Variants in PPP2R2B observed in about 807,000 individuals in gnomAD.
The protein encoded by PPP2R2B is protein phosphatase 2 regulatory subunit Bbeta.
PPP2R2B carries 5 observed loss-of-function variants against 46.0 expected under a neutral mutation model. That is an observed-to-expected ratio of 0.11 (90% CI 0.06 to 0.23). The LOEUF (loss-of-function observed/expected upper bound fraction) is 0.23. PPP2R2B is among the 10% of genes least tolerant of loss of function. The probability of loss-of-function intolerance (pLI) is 1.00; values close to 1 mark genes in which losing one functional copy is unlikely to be tolerated. For missense variants in PPP2R2B, 367 were observed against 575.0 expected (o/e 0.64, Z 3.70); for synonymous variants, 215 against 206.7 (o/e 1.04, Z -0.34).
intron 5 of PPP2R2B, among the ~76,000 whole-genome samples, chr5:146,682,293 C>G (rs1379755895): frequency 6.6e-6 from 1 of 152,154 alleles, no homozygotes; most frequent in Non-Finnish European, 1.5e-5. Flanking sequence ...CTACTTCGAA[C>G]TTTTCAATAT....
upstream of PPP2R2B, among the ~76,000 whole-genome samples, chr5:147,057,523 C>G (rs1411896787): frequency 6.6e-6 from 1 of 152,140 alleles, no homozygotes; most frequent in Non-Finnish European, 1.5e-5. Flanking sequence ...ACTTAATGGC[C>G]AGGTAGAAAT....
At chr5:146,952,660 T>C (rs1751667670) in intron 1 of PPP2R2B, among the ~76,000 whole-genome samples, 1 of 152,150 alleles carries the variant, frequency 6.6e-6, no homozygotes, top group Non-Finnish European at 1.5e-5. Context: ...CAGGATCAGT[T>C]TCCGTTGCTT....
At chr5:146,733,268 T>C (rs1479558780) in intron 2 of PPP2R2B, among the ~76,000 whole-genome samples, 1 of 152,076 alleles carries the variant, frequency 6.6e-6, no homozygotes, top group Non-Finnish European at 1.5e-5. Context: ...CAGGGCTGGG[T>C]GGTCAAAAAA....
At chr5:146,644,154 A>C (rs1775414475) in intron 6 of PPP2R2B, among the ~76,000 whole-genome samples, 1 of 151,016 alleles carries the variant, frequency 6.6e-6, no homozygotes, top group Admixed American at 6.6e-5. Context: ...TATTTGTATT[A>C]AAAATAATAT....
At chr5:146,717,397 T>C (rs1004161571) in intron 2 of PPP2R2B, among the ~76,000 whole-genome samples, 1 of 152,236 alleles carries the variant, frequency 6.6e-6, no homozygotes, top group African/African-American at 2.4e-5. Flanking sequence ...TCCATAACTA[T>C]TAAATGCGTT....
rs1443251497 is a variant in PPP2R2B, at chr5:146,745,821, G to A, written c.71-44679C>T. ...AAAAATACAAAAATCAGCCAGGCAT[G>A]GTGGTGCATGCCTATAGTCCCAGCT... On this transcript the variant is annotated intron_variant, in intron 2 of 9. Coordinates refer to ENST00000394411, the MANE Select transcript of PPP2R2B (RefSeq NM_181675.4). 2.6e-5 allele frequency among the ~76,000 whole-genome samples: 4 copies of A among 152,130 alleles called. No homozygotes were observed. In the East Asian group the frequency reaches 5.8e-4, roughly 22 times the overall value.
intron 5 of PPP2R2B, among the ~76,000 whole-genome samples, chr5:146,661,717 C>T (rs964578606): frequency 1.3e-5 from 2 of 152,134 alleles, no homozygotes; most frequent in African/African-American, 2.4e-5. Flanking sequence ...AAGATAAACT[C>T]GCTAATTACC....
chr5:146,927,324 T>C (rs952690906), intron 1 of PPP2R2B, among the ~76,000 whole-genome samples: 2 of 152,298 alleles, frequency 1.3e-5, no homozygotes, highest in Non-Finnish European at 2.9e-5. Context: ...GACTCGTCTC[T>C]CTCTTCTTCC....
At chr5:146,622,004 G>A (rs1455579066) in intron 7 of PPP2R2B, among the ~76,000 whole-genome samples, 1 of 152,100 alleles carries the variant, frequency 6.6e-6, no homozygotes, top group Non-Finnish European at 1.5e-5. Flanking sequence ...AGACCCCAAG[G>A]CCTGGGCAGA....
intron 1 of PPP2R2B, among the ~76,000 whole-genome samples, chr5:146,892,967 T>C (rs1762535457): frequency 6.6e-6 from 1 of 152,202 alleles, no homozygotes; most frequent in Non-Finnish European, 1.5e-5. Context: ...ATTGCTACCC[T>C]AGGTTTCTAG....
At chr5:146,758,253 G>C (rs1391096084) in intron 2 of PPP2R2B, among the ~76,000 whole-genome samples, 1 of 152,140 alleles carries the variant, frequency 6.6e-6, no homozygotes, top group Non-Finnish European at 1.5e-5. Flanking sequence ...GGCTCAATCT[G>C]TAGCAGCAAA....
intron 2 of PPP2R2B, among the ~76,000 whole-genome samples, chr5:146,736,209 G>A (rs1013532046): frequency 2.0e-5 from 3 of 152,090 alleles, no homozygotes; most frequent in African/African-American, 7.2e-5. Context: ...CTTTTGACAC[G>A]ATTTTAAGTT....
chr5:146,649,982 C>G (rs1775848396), intron 6 of PPP2R2B, among the ~76,000 whole-genome samples: 1 of 152,106 alleles, frequency 6.6e-6, no homozygotes, highest in South Asian at 2.1e-4. Flanking sequence ...TTTTATCAAA[C>G]TGTACAATTA....
At chr5:147,019,076 A>T (rs1369321498) in intron 1 of PPP2R2B, among the ~76,000 whole-genome samples, 3 of 152,188 alleles carry the variant, frequency 2.0e-5, no homozygotes, top group African/African-American at 7.2e-5. Context: ...GACTACCCGA[A>T]GTGTTTCATT....
At chr5:146,626,014 C>T (rs442506) in intron 7 of PPP2R2B, among the ~76,000 whole-genome samples, 15,858 of 152,156 alleles carry the variant, frequency 0.1, 2,068 homozygotes, top group African/African-American at 0.29. Context: ...GGAAACATTC[C>T]CCCCTAGAGC....
intron 1 of PPP2R2B, among the ~76,000 whole-genome samples, chr5:146,967,953 A>G (rs936784618): frequency 2.0e-5 from 3 of 152,322 alleles, no homozygotes; most frequent in African/African-American, 7.2e-5. Context: ...ACATTTCTCA[A>G]AGACAGCCCA....
chr5:146,968,643 G>A (rs983898834), intron 1 of PPP2R2B, among the ~76,000 whole-genome samples: 4 of 152,156 alleles, frequency 2.6e-5, no homozygotes, highest in Admixed American at 6.5e-5. Context: ...ACTATGACAC[G>A]CTTTAAAGTT....
intron 1 of PPP2R2B, among the ~76,000 whole-genome samples, chr5:146,897,718 T>G (rs1160598802): frequency 1.3e-5 from 2 of 151,966 alleles, no homozygotes; most frequent in African/African-American, 4.8e-5. Flanking sequence ...AAATAAATCC[T>G]AATTTGTATG....
At chr5:147,049,105 T>C (rs1358888453) in intron 1 of PPP2R2B, among the ~76,000 whole-genome samples, 1 of 124,234 alleles carries the variant, frequency 8.0e-6, no homozygotes, top group East Asian at 2.1e-4. Context: ...TGAGCATGTG[T>C]GTGTGTGTGT....
Sources: gnomAD v4.1 joint callset for allele counts (sites outside exome capture counted in the v4.1 genomes callset) on GRCh38, gnomAD v4.1.1 for gene constraint, MANE v1.5 for transcripts, NCBI Gene and HGNC (gene_info 2026-07-23, HGNC 2026-07-21) for gene names.